Variants in PRPF6 observed in about 807,000 individuals in gnomAD.
The protein encoded by PRPF6 is pre-mRNA-processing factor 6.
Under a neutral mutation model 118.3 loss-of-function variants are expected in PRPF6, and 42 were observed. The ratio of observed to expected loss-of-function variants is 0.35; its 90% CI spans 0.28 to 0.46. The LOEUF (loss-of-function observed/expected upper bound fraction) is 0.46. PRPF6 is among the 20% of genes least tolerant of loss of function. The pLI, the probability that PRPF6 is intolerant of heterozygous loss-of-function variation, is 1.00. For synonymous variants in PRPF6, 481 were observed against 485.1 expected (o/e 0.99, Z 0.11); for missense variants, 662 against 1,255.7 (o/e 0.53, Z 7.15).
chr20:63,997,499 C>T (rs962174951), intron 6 of PRPF6, among the ~76,000 whole-genome samples: 2 of 151,234 alleles, frequency 1.3e-5, no homozygotes, highest in Non-Finnish European at 3.0e-5. Context: ...CACCGTCACC[C>T]GAGCTGGAGT....
rs1385173748 is a variant in PRPF6 at position 64,024,636 on chromosome 20, C to G, written c.1851C>G (p.Ser617=). The change falls in exon 14 of 21, where the codon TCC becomes TCG. Residue 617 remains serine (S), a synonymous_variant. Coordinates refer to ENST00000266079, the MANE Select transcript of PRPF6 (RefSeq NM_012469.4). The part of the protein sequence containing the change: ...AEVLWLMGAK[S]KWLAGDVPAA... ...TGCTGTGGCTCATGGGCGCCAAGTC[C>G]AAGTGGCTGGCAGGGGATGTGCCTG... The G allele has an allele frequency of 6.2e-7, 1 of 1,613,836 alleles. No homozygotes were observed. The highest frequency in any genetic ancestry group is 8.5e-7 in the Non-Finnish European group (1 of 1,180,016).
In PRPF6 at chr20:63,995,056, C is replaced by T. The variant is rs554984809; in HGVS notation, c.579C>T (p.Thr193=). The T allele has an allele frequency of 1.2e-5, 19 of 1,614,088 alleles. No homozygotes were observed. Among genetic ancestry groups the T allele is most frequent in the East Asian group, 1.1e-4 (5 of 44,880 alleles). The part of the protein sequence containing the change: ...PDSFFAKHLQ[T]GENHTSVDPR... ...GTTTCTTTGCCAAACATTTACAGACCGGAGAGAACCATACCTCAGTGGATC... is the reference window on the plus strand; with the variant it reads ...GTTTCTTTGCCAAACATTTACAGACTGGAGAGAACCATACCTCAGTGGATC... The change falls in exon 5 of 21, where the codon ACC becomes ACT. Residue 193 remains threonine, a synonymous_variant. Transcript: ENST00000266079.
intron 4 of PRPF6, 79 bp from the exon 5 acceptor site, chr20:63,994,837 G>C: frequency 6.3e-7 from 1 of 1,577,034 alleles, no homozygotes; most frequent in Admixed American, 1.7e-5. Context: ...GAGGCTAGGG[G>C]TGAGAGAGGG....
Position 64,001,213 on chromosome 20 carries a change from G to T in PRPF6, c.1160G>T (p.Arg387Leu). The T allele has an allele frequency of 6.2e-7, 1 of 1,614,230 alleles. No individual in the cohort carries two copies. The highest frequency in any genetic ancestry group is 8.5e-7 in the Non-Finnish European group (1 of 1,180,046). ...IRAAELETDI[R>L]AKKRVLRKAL... ...GCCGCAGAGCTGGAAACGGACATTCGTGCAAAGAAGCGGGTTCTTCGGAAA... is the reference window on the plus strand; with the variant it reads ...GCCGCAGAGCTGGAAACGGACATTCTTGCAAAGAAGCGGGTTCTTCGGAAA... The change falls in exon 9 of 21, where the codon CGT becomes CTT. Residue 387 changes from arginine (R) to leucine (L), a missense_variant. By Grantham distance (102) the Arg-to-Leu change is moderately radical. Transcript: ENST00000266079.
At chr20:63,996,966 A>G (rs2059143348) in intron 6 of PRPF6, among the ~76,000 whole-genome samples, 1 of 152,146 alleles carries the variant, frequency 6.6e-6, no homozygotes, top group Non-Finnish European at 1.5e-5. Context: ...TTTTTGTGGT[A>G]AAATATATGT....
Position 64,011,598 on chromosome 20 carries a change from G to T in PRPF6, c.1524+95G>T. 1 of 1,384,080 alleles carries T rather than the reference G, an allele frequency of 7.2e-7. No homozygotes were observed. Among genetic ancestry groups the T allele is most frequent in the South Asian group, 1.2e-5 (1 of 80,298 alleles). The allele number at this position is 1,384,080 out of a possible 1,614,324, so 85.7% of individuals were successfully genotyped here. On this transcript the variant is annotated intron_variant, in intron 11 of 20. Transcript: ENST00000266079. This position sits in a 1 kb window ranked among gnomAD's most constrained non-coding sequence, Gnocchi z 6.7. ...GGACTGGGGGTTGCTGGATGGTACTGGGGAGTCCTGTGCCAAACCAGAAGC... is the reference window on the plus strand; with the variant it reads ...GGACTGGGGGTTGCTGGATGGTACTTGGGAGTCCTGTGCCAAACCAGAAGC...
chr20:64,030,399 TC>T lies in PRPF6; in HGVS notation c.2546+910del, dbSNP rs144293209. On this transcript the variant is annotated intron_variant, in intron 19 of 20. Coordinates refer to ENST00000266079, the MANE Select transcript of PRPF6 (RefSeq NM_012469.4). ...ATGGGTCATGCAGAGACAACAGCCT[TC>T]CTAGTGCTGGCTTTTGATTCTCTCC... is the stretch of plus-strand genomic sequence containing the variant. 2.8e-3 allele frequency among the ~76,000 whole-genome samples: 427 copies of T among 152,302 alleles called. 3 individuals carry two copies. The highest frequency in any genetic ancestry group is 0.01 in the African/African-American group (416 of 41,556).
intron 19 of PRPF6, 105 bp from the exon 20 acceptor site, chr20:64,031,813 G>A: frequency 6.6e-7 from 1 of 1,510,134 alleles, no homozygotes. Context: ...GGAGCACCAG[G>A]GCTGCGGGTC....
rs376794682 is a variant in PRPF6 at position 63,981,159 on chromosome 20, T to G, written c.-87T>G. 2.9e-6 allele frequency: 4 copies of G among 1,385,758 alleles called. No individual in the cohort carries two copies. Among genetic ancestry groups the G allele is most frequent in the Non-Finnish European group, 4.0e-6 (4 of 996,678 alleles). The allele number at this position is 1,385,758 out of a possible 1,614,324, so 85.8% of individuals were successfully genotyped here. ...CGGCGACACTTTGCTACGGAGTGCA[T>G]CGGACGTCGAAGCCTAGAGTCTCTG... On this transcript the variant is annotated 5_prime_UTR_variant, in exon 1 of 21. Coordinates refer to ENST00000266079, the MANE Select transcript of PRPF6 (RefSeq NM_012469.4).
intron 1 of PRPF6, among the ~76,000 whole-genome samples, chr20:63,981,526 C>T (rs1468205562): frequency 6.6e-6 from 1 of 152,202 alleles, no homozygotes; most frequent in African/African-American, 2.4e-5. Context: ...CATTGACTCT[C>T]AGCCCAGTGT....
intron 12 of PRPF6, among the ~76,000 whole-genome samples, chr20:64,020,059 C>T (rs2059255833): frequency 6.6e-6 from 1 of 152,168 alleles, no homozygotes; most frequent in Admixed American, 6.5e-5. Flanking sequence ...AAACTTTGTT[C>T]CTGACCCACT....
At chr20:63,988,352 C>G (rs1234657531) in intron 3 of PRPF6, among the ~76,000 whole-genome samples, 16 of 149,794 alleles carry the variant, frequency 1.1e-4, no homozygotes, top group African/African-American at 3.7e-4. Context: ...CAAAAATTAG[C>G]CGGGTGTGGG....
intron 9 of PRPF6, 125 bp downstream of exon 9, chr20:64,001,364 T>G: frequency 1.7e-6 from 2 of 1,151,606 alleles, no homozygotes; most frequent in Non-Finnish European, 2.5e-6. Flanking sequence ...TTCAGGCCTT[T>G]TCTCAGGCTG....
intron 11 of PRPF6, among the ~76,000 whole-genome samples, chr20:64,013,436 T>G (rs1433853304): frequency 6.6e-6 from 1 of 152,036 alleles, no homozygotes; most frequent in East Asian, 1.9e-4. Context: ...TCCTTTCTTC[T>G]TCTTTCTTTC....
intron 9 of PRPF6, among the ~76,000 whole-genome samples, chr20:64,009,438 C>T (rs1368775048): frequency 6.6e-6 from 1 of 151,882 alleles, no homozygotes; most frequent in Non-Finnish European, 1.5e-5. Flanking sequence ...TAGAGCATTT[C>T]CAGGGTGGGC....
chr20:63,994,164 T>C (rs998300056), intron 4 of PRPF6, among the ~76,000 whole-genome samples: 5 of 151,072 alleles, frequency 3.3e-5, no homozygotes, highest in Non-Finnish European at 5.9e-5. Context: ...TTTTCTTTTT[T>C]TTTTTTTTTT....
intron 10 of PRPF6, 24 bp downstream of exon 10, chr20:64,010,342 A>C (rs778085910): frequency 6.3e-7 from 1 of 1,584,252 alleles, no homozygotes; most frequent in Admixed American, 1.7e-5. Context: ...GCTCAGGGCC[A>C]CCAGAGCCCA....
At chr20:64,002,354 T>TTTTTG (rs1307323828) in intron 9 of PRPF6, among the ~76,000 whole-genome samples, 1 of 133,362 alleles carries the variant, frequency 7.5e-6, no homozygotes, top group African/African-American at 2.8e-5. Context: ...TTTTTTTTTT[T>TTTTTG]AGACAGAGTC....
At chr20:63,993,288 T>TATA in intron 3 of PRPF6, 119 bp from the exon 4 acceptor site, 1 of 480,758 alleles carries the variant, frequency 2.1e-6, no homozygotes, top group Non-Finnish European at 4.0e-6. Context: ...ATATATATAT[T>TATA]TGATTTAGCT....
Sources: allele counts gnomAD v4.1 joint callset (sites outside exome capture counted in the v4.1 genomes callset), GRCh38; gene constraint gnomAD v4.1.1; non-coding constraint Gnocchi (gnomAD v3.1); transcripts MANE v1.5; gene names NCBI Gene and HGNC (gene_info 2026-07-23, HGNC 2026-07-21).